Variants in TMEM131L observed in about 807,000 individuals in gnomAD.
TMEM131L encodes transmembrane 131 like, also known as transmembrane protein 131-like.
In TMEM131L, 54 loss-of-function variants were observed where a neutral mutation model predicts 192.2. The ratio of observed to expected loss-of-function variants is 0.28; its 90% CI spans 0.23 to 0.35. TMEM131L has a LOEUF of 0.35. Ranked by LOEUF, TMEM131L falls within the 10% of genes least tolerant of loss-of-function variation. TMEM131L has a pLI of 1.00. For synonymous variants in TMEM131L, 701 were observed against 704.9 expected, an observed-to-expected ratio of 0.99 and a Z score of 0.09; for missense variants, 1,888 against 1,972.9, an observed-to-expected ratio of 0.96 and a Z score of 0.82.
intron 23 of TMEM131L, 83 bp downstream of exon 23, chr4:153,602,810 G>C: frequency 8.2e-7 from 1 of 1,226,522 alleles, no homozygotes; most frequent in Non-Finnish European, 1.2e-6. Context: ...AACTGCCCGA[G>C]TGTAGTCAAA....
At chr4:153,517,322 C>G (rs1349463511) in intron 3 of TMEM131L, among the ~76,000 whole-genome samples, 2 of 152,192 alleles carry the variant, frequency 1.3e-5, no homozygotes, top group African/African-American at 4.8e-5. Flanking sequence ...GGAAGCATTT[C>G]CCACCTCTTC....
rs542729734 is a variant in TMEM131L at position 153,537,936 on chromosome 4, T to C, written c.240-12137T>C. 2.6e-5 allele frequency among the ~76,000 whole-genome samples: 4 copies of C among 152,342 alleles called. No homozygotes were observed. The South Asian group carries it at 8.3e-4, about 32-fold the overall frequency. ...CTAACTGGGAAGCAAGATGCAACTT[T>C]CCCTGATTTTTTCTCTTCTGATTTT... On this transcript the variant is annotated intron_variant, in intron 3 of 34. Coordinates refer to ENST00000409959, the MANE Select transcript of TMEM131L (RefSeq NM_001131007.2).
intron 7 of TMEM131L, among the ~76,000 whole-genome samples, chr4:153,561,020 C>G (rs539746002): frequency 5.3e-5 from 8 of 152,322 alleles, no homozygotes; most frequent in South Asian, 4.1e-4. Flanking sequence ...GGATTCCAGT[C>G]TTCTACAACT....
At chr4:153,578,364 T>C (rs1244740647) in intron 7 of TMEM131L, among the ~76,000 whole-genome samples, 1 of 150,894 alleles carries the variant, frequency 6.6e-6, no homozygotes, top group East Asian at 1.9e-4. Context: ...AAGTATTTTA[T>C]TTTTTTTTGA....
chr4:153,466,403 G>A lies in TMEM131L; in HGVS notation c.6G>A (p.Ala2=). 1.5e-6 allele frequency: 2 copies of A among 1,340,712 alleles called. No homozygotes were observed. The highest frequency in any genetic ancestry group is 1.8e-5 in the South Asian group (1 of 54,470). The allele number at this position is 1,340,712 out of a possible 1,614,324, so 83.1% of individuals were successfully genotyped here. A position where few individuals can be genotyped will look rare whatever the true frequency, so the allele number is the denominator to read the frequency against. Residue 2 remains alanine (A), a synonymous_variant, in exon 1 of 35, where the codon GCG becomes GCA. Transcript: ENST00000409959. M[A]GLRRPQPGCY... is the part of the protein sequence containing the mutation. ...AGAGGAGCGCGAGCAGCAGCATGGC[G>A]GGGCTCCGACGCCCGCAGCCCGGCT...
chr4:153,540,131 C>CA (rs66469233), intron 3 of TMEM131L, among the ~76,000 whole-genome samples: 261 of 145,724 alleles, frequency 1.8e-3, no homozygotes, highest in South Asian at 4.8e-3. Flanking sequence ...AACAAAAAAA[C>CA]AAAAAAAAAA....
In TMEM131L at chr4:153,617,850, C is replaced by A. The variant is rs1036636464; in HGVS notation, c.3568-2906C>A. 3.4e-5 allele frequency among the ~76,000 whole-genome samples: 5 copies of A among 146,870 alleles called. No individual in the cohort carries two copies. The East Asian group carries it at 9.9e-4, about 29-fold the overall frequency. On this transcript the variant is annotated intron_variant, in intron 26 of 34. Coordinates refer to ENST00000409959, the MANE Select transcript of TMEM131L (RefSeq NM_001131007.2). The stretch of plus-strand genomic sequence containing the variant: ...TTATTTTATGATGGAATATTTTAGA[C>A]GAGCTCTTCGTGGTTTTTTTTTTTT...
chr4:153,581,854 A>G (rs1730361828), intron 9 of TMEM131L, among the ~76,000 whole-genome samples: 2 of 152,352 alleles, frequency 1.3e-5, no homozygotes, highest in South Asian at 4.1e-4. Flanking sequence ...AAATATTTAC[A>G]AAGTATTTGA....
chr4:153,499,113 T>C (rs1316324523), intron 3 of TMEM131L, among the ~76,000 whole-genome samples: 1 of 152,262 alleles, frequency 6.6e-6, no homozygotes, highest in Non-Finnish European at 1.5e-5. Context: ...GCACAACTCA[T>C]GTCTCTCCTT....
chr4:153,578,012 A>ACT (rs550875178), intron 7 of TMEM131L, among the ~76,000 whole-genome samples: 24 of 152,180 alleles, frequency 1.6e-4, no homozygotes, highest in Non-Finnish European at 3.2e-4. Context: ...ATCCAGCATA[A>ACT]CTCAGTGTCT....
rs760344209 is a variant in TMEM131L, at chr4:153,586,216, A to G, written c.1319A>G (p.Asn440Ser). 2 of 1,553,036 alleles carry G rather than the reference A, an allele frequency of 1.3e-6. No homozygotes were observed. Among genetic ancestry groups the G allele is most frequent in the Non-Finnish European group, 1.7e-6 (2 of 1,158,632 alleles). The change falls in exon 14 of 35, where the codon AAT becomes AGT. Residue 440 changes from asparagine to serine, a missense_variant. Asn to Ser is a conservative substitution (Grantham distance 46). Transcript: ENST00000409959. Reference protein sequence around the residue: ...KETKHMLKILNFTGPLFLPPG... With the variant: ...KETKHMLKILSFTGPLFLPPG... The stretch of plus-strand genomic sequence containing the variant: ...TGCTTCTTTTCTTTTTAGATTCTGA[A>G]TTTCACTGGCCCTTTATTTCTACCT...
chr4:153,539,173 G>C (rs573033670), intron 3 of TMEM131L, among the ~76,000 whole-genome samples: 11 of 152,276 alleles, frequency 7.2e-5, no homozygotes, highest in African/African-American at 1.7e-4. Flanking sequence ...CCCCCAAAAG[G>C]GGGGGAGGCG....
At chr4:153,542,560 G>A (rs902049428) in intron 3 of TMEM131L, among the ~76,000 whole-genome samples, 1 of 152,186 alleles carries the variant, frequency 6.6e-6, no homozygotes, top group African/African-American at 2.4e-5. Context: ...AAGTGCAATG[G>A]ATGATTATTG....
At chr4:153,513,963 CA>C (rs1180091796) in intron 3 of TMEM131L, among the ~76,000 whole-genome samples, 1 of 152,158 alleles carries the variant, frequency 6.6e-6, no homozygotes, top group East Asian at 1.9e-4. Flanking sequence ...ATTTTCATAA[CA>C]TTTTTTAGGA....
At chr4:153,547,976 C>A (rs1042564937) in intron 3 of TMEM131L, among the ~76,000 whole-genome samples, 1 of 152,114 alleles carries the variant, frequency 6.6e-6, no homozygotes, top group Admixed American at 6.5e-5. Context: ...TATGCAGTAG[C>A]CTGACTTTTC....
intron 3 of TMEM131L, among the ~76,000 whole-genome samples, chr4:153,476,552 C>T (rs892456753): frequency 3.9e-5 from 6 of 151,918 alleles, no homozygotes; most frequent in Admixed American, 6.6e-5. Flanking sequence ...AAAAAATTAG[C>T]CAGGTGTGGT....
intron 8 of TMEM131L, among the ~76,000 whole-genome samples, 153 bp downstream of exon 8, chr4:153,581,056 A>G (rs1170439526): frequency 1.3e-5 from 2 of 152,224 alleles, no homozygotes; most frequent in Non-Finnish European, 2.9e-5. Context: ...GATTGAGACC[A>G]TCCTGGCTAA....
At chr4:153,613,940 TAC>T (rs1732798170) in intron 26 of TMEM131L, among the ~76,000 whole-genome samples, 1 of 152,246 alleles carries the variant, frequency 6.6e-6, no homozygotes, top group South Asian at 2.1e-4. Flanking sequence ...ACTACGAATT[TAC>T]AGTCTGTTTG....
At chr4:153,546,272 T>C (rs745968698) in intron 3 of TMEM131L, among the ~76,000 whole-genome samples, 2 of 151,826 alleles carry the variant, frequency 1.3e-5, no homozygotes, top group Admixed American at 1.3e-4. Context: ...ATTAGAAATA[T>C]GTGGCATAAA....
Sources: gnomAD v4.1 joint callset for allele counts (sites outside exome capture counted in the v4.1 genomes callset) on GRCh38, gnomAD v4.1.1 for gene constraint, MANE v1.5 for transcripts, NCBI Gene and HGNC (gene_info 2026-07-23, HGNC 2026-07-21) for gene names.